SBF2: variants seen among roughly 807,000 people sequenced by gnomAD.
The protein encoded by SBF2 is myotubularin-related protein 13.
A neutral mutation model predicts 225.2 loss-of-function variants in SBF2; 112 were observed. That is an observed-to-expected ratio of 0.50 (90% CI 0.43 to 0.58). The LOEUF is 0.58. Ranked by LOEUF, SBF2 falls within the 20% of genes least tolerant of loss-of-function variation. The pLI is 0.00. For synonymous variants in SBF2, 763 were observed against 773.3 expected (o/e 0.99, Z 0.22); for missense variants, 1,996 against 2,206.2 (o/e 0.90, Z 1.91).
intron 1 of SBF2, among the ~76,000 whole-genome samples, chr11:10,196,875 T>TTTTTTTTTTTTTTTTTTTC (rs1957395000): frequency 7.0e-6 from 1 of 142,408 alleles, no homozygotes; most frequent in Non-Finnish European, 1.5e-5. Context: ...TATTTTTTTT[T>TTTTTTTTTTTTTTTTTTTC]TCCTACAAAA....
chr11:10,238,079 G>A (rs1311224614), intron 1 of SBF2, among the ~76,000 whole-genome samples: 1 of 152,110 alleles, frequency 6.6e-6, no homozygotes, highest in Non-Finnish European at 1.5e-5. Flanking sequence ...AGATTCTAAA[G>A]TACAAGAATA....
chr11:10,082,009 G>A (rs1951387349), intron 2 of SBF2, among the ~76,000 whole-genome samples: 1 of 151,898 alleles, frequency 6.6e-6, no homozygotes, highest in African/African-American at 2.4e-5. Context: ...GAAAAGGAGA[G>A]AAGATTCAAA....
chr11:10,048,320 C>A (rs751637223), intron 2 of SBF2, among the ~76,000 whole-genome samples: 1 of 152,158 alleles, frequency 6.6e-6, no homozygotes, highest in East Asian at 1.9e-4. Context: ...TCAAAAGAGT[C>A]CCCAATGTCA....
intron 9 of SBF2, among the ~76,000 whole-genome samples, chr11:9,996,706 C>T (rs1947720438): frequency 6.6e-6 from 1 of 152,028 alleles, no homozygotes; most frequent in Admixed American, 6.6e-5. Flanking sequence ...CCTTCTTAAA[C>T]CCAGTATTTT....
intron 6 of SBF2, among the ~76,000 whole-genome samples, chr11:10,007,022 G>C (rs140290960): frequency 9.2e-5 from 14 of 152,122 alleles, no homozygotes; most frequent in African/African-American, 3.4e-4. Context: ...GGCTGGTCTC[G>C]GGTTAACAGA....
intron 2 of SBF2, among the ~76,000 whole-genome samples, chr11:10,062,933 C>G (rs533458094): frequency 9.0e-4 from 137 of 152,226 alleles, no homozygotes; most frequent in African/African-American, 3.1e-3. Flanking sequence ...GACATGGAAT[C>G]AACCTAAATG....
chr11:9,967,344 C>A (rs1271889554), intron 14 of SBF2, among the ~76,000 whole-genome samples: 7 of 150,512 alleles, frequency 4.7e-5, no homozygotes, highest in Non-Finnish European at 8.8e-5. Flanking sequence ...TGCACTCCAG[C>A]CTGGGTGACA....
At position 9,850,034 on chromosome 11, in the gene SBF2, T is replaced by C. The variant is rs1554924467; in HGVS notation, c.2795A>G (p.His932Arg). The change falls in exon 22 of 40, where the codon CAT becomes CGT. Residue 932 changes from histidine (H) to arginine (R), a missense_variant. Physicochemically the swap from His to Arg is conservative, Grantham distance 29 (BLOSUM62 0). Transcript: ENST00000256190. ...ATATCGAGTCATACCTAACTGATCA[T>C]GGGGTGTTCCTCTGAAGAGAATTCT... ...TYRILFRGTP[H>R]DQLVGEQTVV... is the part of the protein sequence containing the mutation. 1.2e-6 allele frequency: 2 copies of C among 1,613,942 alleles called. No individual in the cohort carries two copies. Among genetic ancestry groups the C allele is most frequent in the South Asian group, 1.1e-5 (1 of 91,056 alleles).
chr11:9,815,178 G>A (rs1366589157), intron 29 of SBF2, among the ~76,000 whole-genome samples: 1 of 150,368 alleles, frequency 6.7e-6, no homozygotes, highest in Admixed American at 6.7e-5. Context: ...AGTGGCTCAC[G>A]CCTGTAATCC....
rs1170733505 is a variant in SBF2, at chr11:9,854,494, A to G, written c.2364-782T>C. 5.3e-5 allele frequency among the ~76,000 whole-genome samples: 8 copies of G among 152,190 alleles called. No individual in the cohort carries two copies. In the East Asian group the frequency reaches 1.5e-3, roughly 29 times the overall value. On this transcript the variant is annotated intron_variant, in intron 19 of 39. Transcript: ENST00000256190. ...CACATTAGCTGAATCAGTGTTAGAG[A>G]TTGTTAAAGTAAAGCTAAGCAGAGA... is the stretch of plus-strand genomic sequence containing the variant.
At chr11:9,936,692 T>C in intron 16 of SBF2, among the ~76,000 whole-genome samples, 1 of 152,094 alleles carries the variant, frequency 6.6e-6, no homozygotes, top group Non-Finnish European at 1.5e-5. Flanking sequence ...CTCAGCAAAC[T>C]ATCACAAAGA....
rs757836523 is a variant in SBF2 at position 9,816,952 on chromosome 11, C to T, written c.3866G>A (p.Arg1289Gln). The T allele has an allele frequency of 4.4e-5, 71 of 1,614,002 alleles. No individual in the cohort carries two copies. Among genetic ancestry groups the T allele is most frequent in the Middle Eastern group, 1.6e-4 (1 of 6,084 alleles). The part of the protein sequence containing the change: ...SPTSFIDVGA[R>Q]LAGKDHSASF... ...GGCCGAGTGATCCTTGCCTGCCAGC[C>T]GGGCGCCAACATCAATGAAGGATGT... is the stretch of plus-strand genomic sequence containing the variant. The change falls in exon 29 of 40, where the codon CGG becomes CAG. Residue 1289 changes from arginine (R) to glutamine (Q), a missense_variant. Transcript: ENST00000256190.
Position 9,779,970 on chromosome 11 carries a change from A to G in SBF2, c.*448T>C, listed in dbSNP as rs1851909952. 1 of 248,448 alleles carries G rather than the reference A, an allele frequency of 4.0e-6. No homozygotes were observed. Among genetic ancestry groups the G allele is most frequent in the African/African-American group, 2.2e-5 (1 of 45,352 alleles). The allele number at this position is 248,448 out of a possible 1,614,324, so 15.4% of individuals were successfully genotyped here. A position where few individuals can be genotyped will look rare whatever the true frequency, so the allele number is the denominator to read the frequency against. On this transcript the variant is annotated 3_prime_UTR_variant, in exon 40 of 40. Transcript: ENST00000256190. ...CAGGCATTACAAGTAGATGTCTCTC[A>G]TAGGAAACCTAGTCCAGGTAGAATA...
At chr11:10,229,607 A>T (rs1014099354) in intron 1 of SBF2, among the ~76,000 whole-genome samples, 1 of 152,058 alleles carries the variant, frequency 6.6e-6, no homozygotes, top group Non-Finnish European at 1.5e-5. Context: ...TTCAGTTTCC[A>T]TGTAGTTGAG....
chr11:10,212,871 G>A (rs1189504593), intron 1 of SBF2, among the ~76,000 whole-genome samples: 3 of 152,082 alleles, frequency 2.0e-5, no homozygotes, highest in African/African-American at 7.2e-5. Flanking sequence ...CTAACATGGG[G>A]AACCCCGTCT....
In SBF2 at chr11:10,025,909, GTTCTTT is replaced by G. The variant is rs1949036390; in HGVS notation, c.619+2537_619+2542del. ...AGCCACTGTGCCTGGTCTAGCGGAT[GTTCTTT>G]ATATTTGTGTATCTTTTCAAGTTGT... On this transcript the variant is annotated intron_variant, in intron 6 of 39. Transcript: ENST00000256190. Among the ~76,000 whole-genome samples, 5 of 152,102 alleles carry G rather than the reference GTTCTTT, an allele frequency of 3.3e-5. No homozygotes were observed. The South Asian group carries it at 1.0e-3, about 32-fold the overall frequency.
chr11:10,086,237 T>C (rs1169109230), intron 2 of SBF2, among the ~76,000 whole-genome samples: 1 of 151,574 alleles, frequency 6.6e-6, no homozygotes, highest in East Asian at 1.9e-4. Context: ...TCTTTTCATA[T>C]GTTTTATATG....
chr11:10,048,184 T>C (rs1949937652), intron 2 of SBF2, among the ~76,000 whole-genome samples: 1 of 152,166 alleles, frequency 6.6e-6, no homozygotes, highest in Non-Finnish European at 1.5e-5. Flanking sequence ...GCTGCAGATA[T>C]GAAAAACTGG....
chr11:9,789,972 G>A (rs1422101555), intron 34 of SBF2, among the ~76,000 whole-genome samples: 1 of 152,232 alleles, frequency 6.6e-6, no homozygotes, highest in East Asian at 1.9e-4. Context: ...GGATGCAGCT[G>A]GAGGAAGGCC....
Sources: gnomAD v4.1 joint callset for allele counts (sites outside exome capture counted in the v4.1 genomes callset) on GRCh38, gnomAD v4.1.1 for gene constraint, MANE v1.5 for transcripts, NCBI Gene and HGNC (gene_info 2026-07-23, HGNC 2026-07-21) for gene names.